The following EPHA2 variants were observed in gnomAD, a reference collection of about 807,000 sequenced individuals.
EPHA2 encodes the protein ephrin type-A receptor 2.
EPHA2 carries 54 observed loss-of-function variants against 104.9 expected under a neutral mutation model. That is an observed-to-expected ratio of 0.51 (90% CI 0.41 to 0.65). The LOEUF is 0.65. Ranked by LOEUF, EPHA2 falls within the 30% of genes least tolerant of loss-of-function variation. The pLI is 0.00. For missense variants in EPHA2, 1,117 were observed against 1,369.5 expected (o/e 0.82, Z 2.91); for synonymous variants, 560 against 559.1 (o/e 1.00, Z -0.02).
chr1:16,131,915 C>T lies in EPHA2; in HGVS notation c.2326-45G>A. 1.2e-6 allele frequency: 2 copies of T among 1,606,630 alleles called. No individual in the cohort carries two copies. Among genetic ancestry groups the T allele is most frequent in the East Asian group, 2.2e-5 (1 of 44,552 alleles). ...AGTCACCACTGTGCCCTCTGGCTGG[C>T]CCCAGGACCATTGCAGCCAAGCCCC... On this transcript the variant is annotated intron_variant, in intron 13 of 16. Coordinates refer to ENST00000358432, the MANE Select transcript of EPHA2 (RefSeq NM_004431.5). This position sits in a 1 kb window ranked among gnomAD's most constrained non-coding sequence, Gnocchi z 5.2.
chr1:16,133,480 C>T lies in EPHA2; in HGVS notation c.1864+1G>A. 1 of 1,614,134 alleles carries T rather than the reference C, an allele frequency of 6.2e-7. No homozygotes were observed. Among genetic ancestry groups the T allele is most frequent in the Non-Finnish European group, 8.5e-7 (1 of 1,179,986 alleles). ...GCCCCTTGGCAGGGGGCCAACCTCA[C>T]CTGCTCCGATCACCTTCTGCCGAGT... On this transcript the variant is annotated splice_donor_variant, in intron 10 of 16. Coordinates refer to ENST00000358432, the MANE Select transcript of EPHA2 (RefSeq NM_004431.5). LOFTEE classifies it high-confidence loss of function.
chr1:16,142,260 G>GTC (rs2024836852), intron 3 of EPHA2, among the ~76,000 whole-genome samples: 1 of 152,206 alleles, frequency 6.6e-6, no homozygotes, highest in African/African-American at 2.4e-5. Flanking sequence ...CTTCATACGT[G>GTC]TCTGGCACAA....
At chr1:16,154,790 T>C (rs2025118913) in intron 1 of EPHA2, among the ~76,000 whole-genome samples, 1 of 144,274 alleles carries the variant, frequency 6.9e-6, no homozygotes, top group Non-Finnish European at 1.5e-5. Context: ...AGAAGGAAAC[T>C]TCTCACCGGC....
intron 3 of EPHA2, among the ~76,000 whole-genome samples, chr1:16,140,787 T>G (rs1490768176): frequency 6.6e-6 from 1 of 152,180 alleles, no homozygotes; most frequent in East Asian, 1.9e-4. Flanking sequence ...CCTGGCTAAC[T>G]TTTGTATTTT....
chr1:16,136,765 A>G lies in EPHA2; in HGVS notation c.1313-995T>C, dbSNP rs927388048. Reference sequence around the variant, plus strand: ...GAAGAAGAAGAAGAAGAAGAAGAAGAAGAAGAAGAACTAACTTTTGCTGAA... The same window carrying G: ...GAAGAAGAAGAAGAAGAAGAAGAAGGAGAAGAAGAACTAACTTTTGCTGAA... On this transcript the variant is annotated intron_variant, in intron 5 of 16. Transcript: ENST00000358432. Among the ~76,000 whole-genome samples, 13 of 148,850 alleles carry G rather than the reference A, an allele frequency of 8.7e-5. 1 individual carries two copies. The highest frequency in any genetic ancestry group is 3.3e-4 in the African/African-American group (13 of 39,676).
In EPHA2 at chr1:16,155,964, C is replaced by G. The variant is rs1186377782; in HGVS notation, c.-32G>C. The G allele has an allele frequency of 2.0e-6, 3 of 1,470,662 alleles. No individual in the cohort carries two copies. The highest frequency in any genetic ancestry group is 2.4e-5 in the Admixed American group (1 of 42,058). The allele number at this position is 1,470,662 out of a possible 1,614,324, so 91.1% of individuals were successfully genotyped here. The stretch of plus-strand genomic sequence containing the variant: ...CTTCTCGCTCTCGGTCCGATCCCCC[C>G]GAGCCCGGCTCCCGCACACCCGCAC... On this transcript the variant is annotated 5_prime_UTR_variant, in exon 1 of 17. Transcript: ENST00000358432.
At position 16,134,369 on chromosome 1, in the gene EPHA2, G is replaced by T; in HGVS notation, c.1682+99C>A. 1 of 1,270,420 alleles carries T rather than the reference G, an allele frequency of 7.9e-7. No individual in the cohort carries two copies. Among genetic ancestry groups the T allele is most frequent in the Non-Finnish European group, 1.1e-6 (1 of 884,448 alleles). The allele number at this position is 1,270,420 out of a possible 1,614,324, so 78.7% of individuals were successfully genotyped here. Reference sequence around the variant, plus strand: ...CGGAGGCAGGGATTAGACTCGACTAGCATCCTGTGGGCCCCATCGTTCAGA... The same window carrying T: ...CGGAGGCAGGGATTAGACTCGACTATCATCCTGTGGGCCCCATCGTTCAGA... On this transcript the variant is annotated intron_variant, in intron 8 of 16. Coordinates refer to ENST00000358432, the MANE Select transcript of EPHA2 (RefSeq NM_004431.5). The surrounding 1 kb of genome is among the most constrained non-coding windows in gnomAD (Gnocchi z 4.5).
At chr1:16,149,079 A>T in intron 2 of EPHA2, 32 bp from the exon 3 acceptor site, 1 of 1,607,446 alleles carries the variant, frequency 6.2e-7, no homozygotes, top group Non-Finnish European at 8.5e-7. Flanking sequence ...TAGTGTGGGC[A>T]GGTGCCTGGG....
At chr1:16,138,918 T>C (rs1028117349) in intron 3 of EPHA2, among the ~76,000 whole-genome samples, 2 of 152,218 alleles carry the variant, frequency 1.3e-5, no homozygotes, top group Non-Finnish European at 2.9e-5. Context: ...ACCACCACCC[T>C]GACTCACTGG....
chr1:16,144,157 G>A (rs1297874460), intron 3 of EPHA2, among the ~76,000 whole-genome samples: 2 of 152,112 alleles, frequency 1.3e-5, no homozygotes, highest in South Asian at 2.1e-4. Flanking sequence ...AGGGAGGGAG[G>A]GAGAAGCCGG....
chr1:16,133,602 T>C lies in EPHA2; in HGVS notation c.1743A>G (p.Gln581=), dbSNP rs773033022. ...PEDVYFSKSE[Q]LKPLKTYVDP... is the part of the protein sequence containing the mutation. ...CCACGTATGTCTTCAGGGGCTTCAG[T>C]TGTTCTGGAAGGAGAAGGGGTGGGG... Residue 581 remains glutamine, a synonymous_variant, in exon 10 of 17, where the codon CAA becomes CAG. Transcript: ENST00000358432. 4.3e-6 allele frequency: 7 copies of C among 1,613,960 alleles called. No individual in the cohort carries two copies. Among genetic ancestry groups the C allele is most frequent in the Non-Finnish European group, 5.9e-6 (7 of 1,179,954 alleles).
chr1:16,147,852 T>G (rs572047336), intron 3 of EPHA2, among the ~76,000 whole-genome samples: 2 of 151,778 alleles, frequency 1.3e-5, no homozygotes, highest in South Asian at 2.1e-4. Context: ...CTCCACATTC[T>G]GCTGTTTCTC....
chr1:16,130,246 G>A lies in EPHA2; in HGVS notation c.2649C>T (p.Thr883=). The change falls in exon 15 of 17, where the codon ACC becomes ACT. Residue 883 remains threonine, a synonymous_variant. Transcript: ENST00000358432. This position sits in a 1 kb window ranked among gnomAD's most constrained non-coding sequence, Gnocchi z 4.5. Reference sequence around the variant, plus strand: ...CTCACCGGGGGTCAAAGTCAGCCAGGGTCTTGAGGGAGTCAGGGGCACGAA... The same window carrying A: ...CTCACCGGGGGTCAAAGTCAGCCAGAGTCTTGAGGGAGTCAGGGGCACGAA... The part of the protein sequence containing the change: ...KLIRAPDSLK[T]LADFDPRVSI... The A allele has an allele frequency of 6.2e-7, 1 of 1,614,130 alleles. No individual in the cohort carries two copies. The highest frequency in any genetic ancestry group is 8.5e-7 in the Non-Finnish European group (1 of 1,180,004).
At position 16,130,160 on chromosome 1, in the gene EPHA2, C is replaced by T. The variant is rs1400249394; in HGVS notation, c.2669+66G>A. The T allele has an allele frequency of 6.2e-6, 10 of 1,607,232 alleles. No homozygotes were observed. The highest frequency in any genetic ancestry group is 4.0e-5 in the African/African-American group (3 of 74,786). On this transcript the variant is annotated intron_variant, in intron 15 of 16. Coordinates refer to ENST00000358432, the MANE Select transcript of EPHA2 (RefSeq NM_004431.5). The surrounding 1 kb of genome is among the most constrained non-coding windows in gnomAD (Gnocchi z 4.5). ...AGCTTCACCTGGGTGGCCACTCTAC[C>T]GAAGTGGTTCAAGAGTCTGCAGAAG...
At chr1:16,136,176 C>A (rs1017984413) in intron 5 of EPHA2, among the ~76,000 whole-genome samples, 1 of 152,004 alleles carries the variant, frequency 6.6e-6, no homozygotes, top group African/African-American at 2.4e-5. Context: ...AGCTCCCAGG[C>A]TCTTTAGATC....
In EPHA2 at chr1:16,148,618, G is replaced by C; in HGVS notation, c.583C>G (p.Arg195Gly). 1 of 1,608,900 alleles carries C rather than the reference G, an allele frequency of 6.2e-7. No homozygotes were observed. The highest frequency in any genetic ancestry group is 8.5e-7 in the Non-Finnish European group (1 of 1,179,976). The change falls in exon 3 of 17, where the codon CGT (arginine) becomes GGT (glycine). Residue 195 changes from arginine (R) to glycine (G), a missense_variant. Arg to Gly is a moderately radical substitution (Grantham distance 125, BLOSUM62 -2). Coordinates refer to ENST00000358432, the MANE Select transcript of EPHA2 (RefSeq NM_004431.5). The surrounding 1 kb of genome is among the most constrained non-coding windows in gnomAD (Gnocchi z 4.9). ...IGACVALLSV[R>G]VYYKKCPELL... ...TCGGGGCACTTCTTGTAGTAGACAC[G>C]GACGGAGAGCAGCGCCACACAGGCA...
rs1365521794 is a variant in EPHA2, at chr1:16,135,490, G to A, written c.1428+165C>T. 1.3e-6 allele frequency: 1 copy of A among 764,916 alleles called. No individual in the cohort carries two copies. The highest frequency in any genetic ancestry group is 2.3e-6 in the Non-Finnish European group (1 of 440,514). 47.4% of individuals were successfully genotyped at this position (764,916 alleles called of 1,614,324 possible). A position where few individuals can be genotyped will look rare whatever the true frequency, so the allele number is the denominator to read the frequency against. ...CTTCTCTCGTACAAATCTCTGCTGT[G>A]CTGCCTTGGGAGATGTAACCCCCTG... On this transcript the variant is annotated intron_variant, in intron 6 of 16. Coordinates refer to ENST00000358432, the MANE Select transcript of EPHA2 (RefSeq NM_004431.5). The surrounding 1 kb of genome is among the most constrained non-coding windows in gnomAD (Gnocchi z 4.3).
chr1:16,130,397 C>T lies in EPHA2; in HGVS notation c.2498G>A (p.Gly833Asp). Reference protein sequence around the residue: ...NHEVMKAINDGFRLPTPMDCP... With the variant: ...NHEVMKAINDDFRLPTPMDCP... ...GTCCATGGGTGTGGGGAGCCGGAAG[C>T]CATCATTGATGGCTTTCATCACCTG... Residue 833 changes from glycine to aspartate, a missense_variant, in exon 15 of 17, where the codon GGC becomes GAC. Coordinates refer to ENST00000358432, the MANE Select transcript of EPHA2 (RefSeq NM_004431.5). This position sits in a 1 kb window ranked among gnomAD's most constrained non-coding sequence, Gnocchi z 4.5. The T allele has an allele frequency of 6.5e-7, 1 of 1,547,964 alleles. No individual in the cohort carries two copies. Among genetic ancestry groups the T allele is most frequent in the Non-Finnish European group, 8.7e-7 (1 of 1,143,832 alleles).
chr1:16,133,709 C>G, intron 9 of EPHA2, 103 bp from the exon 10 acceptor site: 1 of 1,566,230 alleles, frequency 6.4e-7, no homozygotes, highest in Non-Finnish European at 8.7e-7. Context: ...AGACTTGGAC[C>G]AGGCTGTGGG....
Sources: allele counts gnomAD v4.1 joint callset (sites outside exome capture counted in the v4.1 genomes callset), GRCh38; gene constraint gnomAD v4.1.1; non-coding constraint Gnocchi (gnomAD v3.1); transcripts MANE v1.5; gene names NCBI Gene and HGNC (gene_info 2026-07-23, HGNC 2026-07-21).